The following DEUP1 variants were observed in gnomAD, a reference collection of about 807,000 sequenced individuals.
The protein encoded by DEUP1 is coiled-coil domain containing 67.
A neutral mutation model predicts 87.4 loss-of-function variants in DEUP1; 82 were observed. The ratio of observed to expected loss-of-function variants is 0.94; its 90% CI spans 0.78 to 1.13. The LOEUF (loss-of-function observed/expected upper bound fraction) is 1.13, where lower values mean the gene tolerates loss of function less well. Among genes scored for constraint, DEUP1 ranks in the 50% most tolerant of loss-of-function variants. The pLI is 0.00. For missense variants in DEUP1, 663 were observed against 681.5 expected, an observed-to-expected ratio of 0.97 and a Z score of 0.30; for synonymous variants, 214 against 222.7, an observed-to-expected ratio of 0.96 and a Z score of 0.35.
chr11:93,409,506 T>G (rs1330738506), intron 12 of DEUP1, among the ~76,000 whole-genome samples: 9 of 152,200 alleles, frequency 5.9e-5, no homozygotes, highest in Non-Finnish European at 1.3e-4. Flanking sequence ...TAACTTACAC[T>G]GTGATTGTCC....
intron 13 of DEUP1, among the ~76,000 whole-genome samples, chr11:93,431,422 C>G (rs1948105003): frequency 6.6e-6 from 1 of 152,052 alleles, no homozygotes; most frequent in Admixed American, 6.6e-5. Context: ...CAAAAGGGAA[C>G]AGATAAGTTG....
intron 11 of DEUP1, among the ~76,000 whole-genome samples, chr11:93,406,191 A>T (rs530794837): frequency 1.4e-3 from 211 of 152,040 alleles, no homozygotes; most frequent in African/African-American, 4.8e-3. Context: ...CATGCTTCAT[A>T]TTCTATTCTG....
intron 11 of DEUP1, among the ~76,000 whole-genome samples, chr11:93,401,547 C>G (rs1947119718): frequency 6.6e-6 from 1 of 152,002 alleles, no homozygotes; most frequent in Admixed American, 6.6e-5. Flanking sequence ...TCAAAATATA[C>G]TACAAAGCTA....
chr11:93,419,417 T>C (rs1947787650), intron 13 of DEUP1, among the ~76,000 whole-genome samples: 1 of 152,152 alleles, frequency 6.6e-6, no homozygotes, highest in Non-Finnish European at 1.5e-5. Flanking sequence ...AAGTAAACAT[T>C]AATAAAGTGA....
At chr11:93,410,911 C>T (rs767798663) in intron 12 of DEUP1, 1 of 152,194 alleles carries the variant, frequency 6.6e-6, no homozygotes, top group Non-Finnish European at 1.5e-5. Context: ...GCTATTCCTG[C>T]TGCAAAGCCT....
At chr11:93,352,648 A>G (rs1944682358) in intron 2 of DEUP1, 1 of 556,026 alleles carries the variant, frequency 1.8e-6, no homozygotes. Flanking sequence ...GTTTAATTGA[A>G]CTTACAGTTC....
chr11:93,432,867 T>C (rs1948144748), intron 13 of DEUP1, among the ~76,000 whole-genome samples: 1 of 152,176 alleles, frequency 6.6e-6, no homozygotes, highest in Non-Finnish European at 1.5e-5. Flanking sequence ...AATTAGTAAA[T>C]AATGCAGTTC....
intron 13 of DEUP1, among the ~76,000 whole-genome samples, chr11:93,419,856 A>C (rs1307404027): frequency 7.3e-6 from 1 of 137,482 alleles, no homozygotes; most frequent in Non-Finnish European, 1.5e-5. Flanking sequence ...CAAAAAAATA[A>C]TAAAATAAAA....
intron 2 of DEUP1, among the ~76,000 whole-genome samples, chr11:93,351,338 A>G (rs1944617547): frequency 6.6e-6 from 1 of 152,198 alleles, no homozygotes; most frequent in Non-Finnish European, 1.5e-5. Flanking sequence ...CTTACATGCC[A>G]AAAGTTAGCA....
At chr11:93,356,876 T>A in intron 3 of DEUP1, 72 bp from the exon 4 acceptor site, 1 of 899,770 alleles carries the variant, frequency 1.1e-6, no homozygotes, top group Admixed American at 2.3e-5. Flanking sequence ...ATTGTTCTTC[T>A]CTTTTGCACA....
At chr11:93,363,013 A>G (rs1016920655) in intron 4 of DEUP1, among the ~76,000 whole-genome samples, 1 of 151,884 alleles carries the variant, frequency 6.6e-6, no homozygotes, top group African/African-American at 2.4e-5. Context: ...AAATGTCTCA[A>G]TATATGAATG....
intron 5 of DEUP1, among the ~76,000 whole-genome samples, chr11:93,367,854 C>A (rs939268401): frequency 2.6e-5 from 4 of 152,120 alleles, no homozygotes; most frequent in Non-Finnish European, 4.4e-5. Flanking sequence ...TAGGAAATGC[C>A]AATACTGTAC....
chr11:93,373,592 TAC>T (rs1364276814), intron 7 of DEUP1, among the ~76,000 whole-genome samples: 22 of 138,920 alleles, frequency 1.6e-4, no homozygotes, highest in South Asian at 2.4e-4. Context: ...CATATATATA[TAC>T]GTATATATAT....
At position 93,394,575 on chromosome 11, in the gene DEUP1, TG is replaced by T. The variant is rs1565332311; in HGVS notation, c.1159del (p.Val387SerfsTer12). The T allele has an allele frequency of 3.7e-6, 6 of 1,613,264 alleles. No homozygotes were observed. Among genetic ancestry groups the T allele is most frequent in the Non-Finnish European group, 5.1e-6 (6 of 1,179,640 alleles). ...LHQKEITIAT[V>X]TKKAALLEKQ... ...ATCAGAAGGAGATCACTATAGCAAC[TG>T]TCACAAAGAAAGCTGCCCTTCTGGA... On this transcript the variant is annotated frameshift_variant, in exon 10 of 14. Coordinates refer to ENST00000298050, the MANE Select transcript of DEUP1 (RefSeq NM_181645.4). LOFTEE classifies it high-confidence loss of function.
chr11:93,374,459 A>T (rs11020290), intron 7 of DEUP1, among the ~76,000 whole-genome samples: 1 of 151,964 alleles, frequency 6.6e-6, no homozygotes. Context: ...TTTTGTATAA[A>T]GTGAGAGATA....
rs1181192353 is a variant in DEUP1 at position 93,370,080 on chromosome 11, G to C, written c.440G>C (p.Arg147Thr). 2 of 1,586,202 alleles carry C rather than the reference G, an allele frequency of 1.3e-6. No individual in the cohort carries two copies. Among genetic ancestry groups the C allele is most frequent in the Admixed American group, 3.4e-5 (2 of 58,480 alleles). The change falls in exon 6 of 14, where the codon AGA (arginine) becomes ACA (threonine). Residue 147 changes from arginine to threonine, a missense_variant. Coordinates refer to ENST00000298050, the MANE Select transcript of DEUP1 (RefSeq NM_181645.4). ...CTCCCCACTTTTTAAAAGGAATTTAGAGCAAAGTCAAGAGAATGGGACAAG... is the reference window on the plus strand; with the variant it reads ...CTCCCCACTTTTTAAAAGGAATTTACAGCAAAGTCAAGAGAATGGGACAAG... ...SNLNQKLEEF[R>T]AKSREWDKQE...
chr11:93,368,959 A>AT (rs1945564837), intron 5 of DEUP1, among the ~76,000 whole-genome samples: 1 of 151,696 alleles, frequency 6.6e-6, no homozygotes, highest in Non-Finnish European at 1.5e-5. Flanking sequence ...AAGAAAAAAA[A>AT]GAAACCACCC....
intron 12 of DEUP1, chr11:93,411,336 G>A (rs1947429016): frequency 6.6e-6 from 1 of 152,198 alleles, no homozygotes; most frequent in South Asian, 2.1e-4. Flanking sequence ...AAAGCATTTA[G>A]ATAAAAGTGT....
intron 2 of DEUP1, among the ~76,000 whole-genome samples, chr11:93,345,935 CTA>C (rs1262153967): frequency 6.6e-6 from 1 of 152,064 alleles, no homozygotes. Context: ...TGGCCTATTC[CTA>C]TGTCTAGAAT....
Sources: allele counts gnomAD v4.1 joint callset (sites outside exome capture counted in the v4.1 genomes callset), GRCh38; gene constraint gnomAD v4.1.1; transcripts MANE v1.5; gene names NCBI Gene and HGNC (gene_info 2026-07-23, HGNC 2026-07-21).